RLF: variants seen among roughly 807,000 people sequenced by gnomAD.
RLF encodes the protein RLF zinc finger, also known as zinc finger protein Rlf.
A neutral mutation model predicts 162.9 loss-of-function variants in RLF; 7 were observed. The ratio of observed to expected loss-of-function variants is 0.04; its 90% CI spans 0.02 to 0.08. RLF has a LOEUF of 0.08. RLF is among the 10% of genes least tolerant of loss of function. RLF has a pLI of 1.00. For missense variants in RLF, 1,664 were observed against 2,244.7 expected (o/e 0.74, Z 5.23); for synonymous variants, 782 against 791.5 (o/e 0.99, Z 0.20).
chr1:40,179,078 A>C (rs1410106583), intron 1 of RLF, among the ~76,000 whole-genome samples: 1 of 150,130 alleles, frequency 6.7e-6, no homozygotes, highest in Non-Finnish European at 1.5e-5. Context: ...CAGGTGATCC[A>C]CCTGCCCAGG....
At chr1:40,190,722 C>A in intron 2 of RLF, 50 bp from the exon 3 acceptor site, 2 of 1,194,748 alleles carry the variant, frequency 1.7e-6, no homozygotes, top group South Asian at 1.3e-5. Flanking sequence ...TCATACTCTA[C>A]TTAATTATTA....
chr1:40,203,509 C>G (rs988522810), intron 5 of RLF, among the ~76,000 whole-genome samples: 1 of 151,770 alleles, frequency 6.6e-6, no homozygotes, highest in Non-Finnish European at 1.5e-5. Context: ...TGCCACTGCA[C>G]TCCAGCCTGG....
intron 2 of RLF, among the ~76,000 whole-genome samples, chr1:40,189,609 G>T (rs533825553): frequency 6.6e-6 from 1 of 152,088 alleles, no homozygotes; most frequent in East Asian, 1.9e-4. Flanking sequence ...AAATATCAGG[G>T]TACAGTATAA....
chr1:40,189,249 C>T (rs767889897), intron 2 of RLF, 40 bp downstream of exon 2: 1 of 1,550,192 alleles, frequency 6.5e-7, no homozygotes, highest in Non-Finnish European at 8.8e-7. Flanking sequence ...AATTGAGTAC[C>T]ATTGGTCGTG....
At chr1:40,174,288 T>A (rs1020062190) in intron 1 of RLF, among the ~76,000 whole-genome samples, 3 of 152,060 alleles carry the variant, frequency 2.0e-5, no homozygotes, top group Non-Finnish European at 2.9e-5. Context: ...GGAGAATCGC[T>A]TGAACCCTGG....
chr1:40,202,681 G>T (rs1642733752), intron 5 of RLF, 67 bp downstream of exon 5: 3 of 945,844 alleles, frequency 3.2e-6, no homozygotes, highest in African/African-American at 1.8e-5. Flanking sequence ...ATATTGCATG[G>T]TTTATTTTTT....
intron 1 of RLF, among the ~76,000 whole-genome samples, chr1:40,184,581 C>A (rs1180233262): frequency 6.6e-6 from 1 of 152,100 alleles, no homozygotes; most frequent in African/African-American, 2.4e-5. Flanking sequence ...ATAGGACATC[C>A]AGATGGAAAT....
intron 4 of RLF, among the ~76,000 whole-genome samples, chr1:40,201,513 C>G (rs2124542247): frequency 6.6e-6 from 1 of 151,352 alleles, no homozygotes; most frequent in East Asian, 2.0e-4. Flanking sequence ...GTAGTCCCAG[C>G]TACTCGGGAG....
chr1:40,221,671 C>T (rs1440344161), intron 5 of RLF, among the ~76,000 whole-genome samples: 4 of 151,190 alleles, frequency 2.6e-5, no homozygotes, highest in African/African-American at 4.9e-5. Flanking sequence ...GAGGCCAAGG[C>T]GGGTGAATCA....
chr1:40,182,832 C>T (rs1192603151), intron 1 of RLF, among the ~76,000 whole-genome samples: 2 of 152,036 alleles, frequency 1.3e-5, no homozygotes, highest in African/African-American at 4.8e-5. Flanking sequence ...AAGAAAACCA[C>T]CTATAACCAA....
intron 3 of RLF, among the ~76,000 whole-genome samples, chr1:40,193,125 A>G (rs1298924136): frequency 7.9e-6 from 1 of 127,322 alleles, no homozygotes; most frequent in African/African-American, 3.3e-5. Flanking sequence ...GAGTGGTCTT[A>G]GCAAAAAAAA....
chr1:40,166,112 A>G (rs1457388702), intron 1 of RLF, among the ~76,000 whole-genome samples: 1 of 152,036 alleles, frequency 6.6e-6, no homozygotes, highest in African/African-American at 2.4e-5. Context: ...ATTTGTTTCC[A>G]TGTTTGTCTT....
chr1:40,228,907 G>A (rs142762735), intron 6 of RLF, among the ~76,000 whole-genome samples: 4 of 152,136 alleles, frequency 2.6e-5, no homozygotes, highest in East Asian at 1.9e-4. Context: ...CACCCTGCCC[G>A]CCCCCCGCTG....
At chr1:40,232,816 C>T (rs777190216) in intron 7 of RLF, among the ~76,000 whole-genome samples, 3 of 152,144 alleles carry the variant, frequency 2.0e-5, no homozygotes, top group Non-Finnish European at 4.4e-5. Context: ...GCAATCCTCC[C>T]GTCTCAGCCT....
chr1:40,181,645 A>C (rs938005503), intron 1 of RLF, among the ~76,000 whole-genome samples: 5 of 152,198 alleles, frequency 3.3e-5, no homozygotes, highest in Non-Finnish European at 7.3e-5. Context: ...CTTGAACTGC[A>C]ACAGTGATTA....
At chr1:40,222,523 T>A (rs1208053005) in intron 5 of RLF, 51 bp from the exon 6 acceptor site, 1 of 1,588,528 alleles carries the variant, frequency 6.3e-7, no homozygotes, top group East Asian at 2.2e-5. Context: ...TAACAAAGTT[T>A]ACTGAAAAGT....
rs751214035 is a variant in RLF, at chr1:40,202,536, T to C, written c.732T>C (p.Ile244=). Residue 244 remains isoleucine, a synonymous_variant, in exon 5 of 8, where the codon ATT becomes ATC. Transcript: ENST00000372771. ...LSKLCAESKE[I]SNVSSFQQAY... is the part of the protein sequence containing the mutation. ...AACTATGTGCAGAATCTAAAGAAAT[T>C]TCAAATGTGTCATCTTTTCAGCAAG... 1.3e-6 allele frequency: 2 copies of C among 1,567,510 alleles called. No individual in the cohort carries two copies. The highest frequency in any genetic ancestry group is 4.7e-5 in the East Asian group (2 of 42,948).
chr1:40,172,082 T>C (rs16827019), intron 1 of RLF, among the ~76,000 whole-genome samples: 7,910 of 152,136 alleles, frequency 0.052, 601 homozygotes, highest in African/African-American at 0.17. Context: ...ATGCATGGTA[T>C]TCCATCAGAA....
At chr1:40,196,498 TTTTTGTTTTG>T (rs143095767) in intron 4 of RLF, among the ~76,000 whole-genome samples, 4,860 of 152,118 alleles carry the variant, frequency 0.032, 112 homozygotes, top group Non-Finnish European at 0.049. Flanking sequence ...GTTTTTGTTG[TTTTTGTTTTG>T]TTTTGTTTTA....
Sources: gnomAD v4.1 joint callset for allele counts (sites outside exome capture counted in the v4.1 genomes callset) on GRCh38, gnomAD v4.1.1 for gene constraint, MANE v1.5 for transcripts, NCBI Gene and HGNC (gene_info 2026-07-23, HGNC 2026-07-21) for gene names.